The following PLLP variants were observed in gnomAD, a reference collection of about 807,000 sequenced individuals.
The protein encoded by PLLP is plasma membrane proteolipid (plasmolipin).
PLLP carries 15 observed loss-of-function variants against 19.7 expected under a neutral mutation model. The observed-to-expected ratio is 0.76, with a 90% CI of 0.51 to 1.17. The LOEUF (loss-of-function observed/expected upper bound fraction) is 1.17, where lower values mean the gene tolerates loss of function less well. Ranked by LOEUF, PLLP falls within the 50% of genes most tolerant of loss-of-function variation. The pLI is 0.00. For synonymous variants in PLLP, 111 were observed against 116.3 expected, an observed-to-expected ratio of 0.95 and a Z score of 0.29; for missense variants, 255 against 258.3, an observed-to-expected ratio of 0.99 and a Z score of 0.09.
intron 1 of PLLP, among the ~76,000 whole-genome samples, chr16:57,262,962 C>T (rs980057675): frequency 8.5e-5 from 13 of 152,092 alleles, no homozygotes; most frequent in African/African-American, 2.9e-4. Flanking sequence ...CCCCAGACTG[C>T]GAGCTCCACG....
chr16:57,284,537 C>A lies in PLLP; in HGVS notation c.4G>T (p.Ala2Ser). The A allele has an allele frequency of 7.3e-7, 1 of 1,366,042 alleles. No homozygotes were observed. 84.6% of individuals were successfully genotyped at this position (1,366,042 alleles called of 1,614,324 possible). A position where few individuals can be genotyped will look rare whatever the true frequency, so the allele number is the denominator to read the frequency against. ...GTGCTAACTTTCGACGGGAACTCGGCCATGGCGGCTCCGCTTGCCTCCCGA... is the reference window on the plus strand; with the variant it reads ...GTGCTAACTTTCGACGGGAACTCGGACATGGCGGCTCCGCTTGCCTCCCGA... M[A>S]EFPSKVSTRT... The change falls in exon 1 of 4, where the codon GCC becomes TCC. Residue 2 changes from alanine (A) to serine (S), a missense_variant. By Grantham distance (99) the Ala-to-Ser change is moderately conservative (BLOSUM62 1). Transcript: ENST00000219207.
chr16:57,256,829 T>TC lies in PLLP; in HGVS notation c.*83dup. On this transcript the variant is annotated 3_prime_UTR_variant, in exon 4 of 4. Coordinates refer to ENST00000219207, the MANE Select transcript of PLLP (RefSeq NM_015993.3). ...CTGTTGGGCTGACTCCACGCAGGGC[T>TC]CCCCAGCTTCAGGCTTGCAGGGTGA... 1 of 885,756 alleles carries TC rather than the reference T, an allele frequency of 1.1e-6. No homozygotes were observed. Among genetic ancestry groups the TC allele is most frequent in the South Asian group, 1.4e-5 (1 of 70,842 alleles). The allele number at this position is 885,756 out of a possible 1,614,324, so 54.9% of individuals were successfully genotyped here.
intron 1 of PLLP, among the ~76,000 whole-genome samples, chr16:57,266,789 C>A (rs1253612169): frequency 1.3e-5 from 2 of 151,974 alleles, no homozygotes; most frequent in Non-Finnish European, 2.9e-5. Context: ...TCTCTGAGGT[C>A]CCTGCCATGC....
At chr16:57,261,446 G>A (rs1048456453) in intron 2 of PLLP, among the ~76,000 whole-genome samples, 8 of 152,180 alleles carry the variant, frequency 5.3e-5, no homozygotes, top group Non-Finnish European at 1.0e-4. Context: ...CCTAGGCATG[G>A]TGGCTCACTC....
chr16:57,264,239 C>T (rs1037179636), intron 1 of PLLP, among the ~76,000 whole-genome samples: 9 of 152,206 alleles, frequency 5.9e-5, no homozygotes, highest in African/African-American at 1.9e-4. Flanking sequence ...GCCCTCACAA[C>T]CCTCCTTCCT....
chr16:57,275,122 CACACACAT>C (rs147068559), intron 1 of PLLP, among the ~76,000 whole-genome samples: 9,695 of 67,542 alleles, frequency 0.14, 370 homozygotes, highest in African/African-American at 0.2. Context: ...CACACACACA[CACACACAT>C]GCATTTCAGA....
chr16:57,276,397 G>GC (rs1331406881), intron 1 of PLLP, among the ~76,000 whole-genome samples: 2 of 152,156 alleles, frequency 1.3e-5, no homozygotes, highest in South Asian at 2.1e-4. Context: ...TTCAAGACCA[G>GC]CTTGGCCAAC....
chr16:57,280,023 T>A (rs1477181736), intron 1 of PLLP, among the ~76,000 whole-genome samples: 1 of 152,198 alleles, frequency 6.6e-6, no homozygotes, highest in Non-Finnish European at 1.5e-5. Flanking sequence ...GACTGACAGG[T>A]CTCTGTACAA....
At chr16:57,270,689 C>A (rs1364952368) in intron 1 of PLLP, among the ~76,000 whole-genome samples, 1 of 152,130 alleles carries the variant, frequency 6.6e-6, no homozygotes, top group African/African-American at 2.4e-5. Flanking sequence ...CTGGCCACGA[C>A]ACAGCCACAC....
intron 1 of PLLP, among the ~76,000 whole-genome samples, chr16:57,279,509 C>T (rs999100960): frequency 6.6e-6 from 1 of 151,696 alleles, no homozygotes; most frequent in Non-Finnish European, 1.5e-5. Flanking sequence ...CCCATCTTTA[C>T]AAAAAATATA....
At chr16:57,279,249 A>G (rs1201934324) in intron 1 of PLLP, among the ~76,000 whole-genome samples, 3 of 152,148 alleles carry the variant, frequency 2.0e-5, no homozygotes, top group African/African-American at 7.2e-5. Flanking sequence ...AAAGGGACAG[A>G]GCCAGGATTT....
chr16:57,282,874 C>G (rs1490058401), intron 1 of PLLP, among the ~76,000 whole-genome samples: 3 of 152,162 alleles, frequency 2.0e-5, no homozygotes, highest in South Asian at 4.1e-4. Flanking sequence ...CCTTCCTGGT[C>G]GTGAAATTGC....
At chr16:57,258,382 G>A in intron 3 of PLLP, 80 bp downstream of exon 3, 1 of 1,473,368 alleles carries the variant, frequency 6.8e-7, no homozygotes, top group East Asian at 2.4e-5. Context: ...GCAGGTGCCT[G>A]GCCTCAGACC....
At chr16:57,261,775 C>G (rs1356666407) in intron 2 of PLLP, 122 bp downstream of exon 2, 6 of 802,714 alleles carry the variant, frequency 7.5e-6, no homozygotes, top group African/African-American at 1.7e-5. Flanking sequence ...CCACCCCTGG[C>G]TCTGCAGATC....
At chr16:57,265,312 GGGGA>G (rs2075453799) in intron 1 of PLLP, among the ~76,000 whole-genome samples, 1 of 152,270 alleles carries the variant, frequency 6.6e-6, no homozygotes, top group Non-Finnish European at 1.5e-5. Flanking sequence ...CCAGAGCTGG[GGGGA>G]GGCCAGTGTT....
At chr16:57,268,346 G>A (rs1567530802) in intron 1 of PLLP, among the ~76,000 whole-genome samples, 1 of 152,222 alleles carries the variant, frequency 6.6e-6, no homozygotes, top group Non-Finnish European at 1.5e-5. Flanking sequence ...TTCTGTTGGA[G>A]GGGTGGCCTA....
At chr16:57,259,354 C>A (rs191048036) in intron 2 of PLLP, among the ~76,000 whole-genome samples, 3 of 152,378 alleles carry the variant, frequency 2.0e-5, no homozygotes, top group African/African-American at 7.2e-5. Context: ...GGCCTCACAT[C>A]CCTCTCTGCC....
At chr16:57,278,770 A>G (rs1901184110) in intron 1 of PLLP, among the ~76,000 whole-genome samples, 1 of 152,174 alleles carries the variant, frequency 6.6e-6, no homozygotes, top group South Asian at 2.1e-4. Flanking sequence ...CAGACATTGC[A>G]ATCCGAGTGT....
At chr16:57,258,628 GAC>G in intron 2 of PLLP, 44 bp from the exon 3 acceptor site, 1 of 1,601,594 alleles carries the variant, frequency 6.2e-7, no homozygotes. Context: ...AAAGGCTTAA[GAC>G]ACAAAGAGAG....
Sources: allele counts gnomAD v4.1 joint callset (sites outside exome capture counted in the v4.1 genomes callset), GRCh38; gene constraint gnomAD v4.1.1; transcripts MANE v1.5; gene names NCBI Gene and HGNC (gene_info 2026-07-23, HGNC 2026-07-21).